The following GRHL2 variants were observed in gnomAD, a reference collection of about 807,000 sequenced individuals.
GRHL2 encodes the protein grainyhead like transcription factor 2, also known as grainyhead-like protein 2 homolog.
A neutral mutation model predicts 83.8 loss-of-function variants in GRHL2; 21 were observed. That is an observed-to-expected ratio of 0.25 (90% confidence interval 0.18 to 0.36). The LOEUF (loss-of-function observed/expected upper bound fraction) is 0.36. Ranked by LOEUF, GRHL2 falls within the 10% of genes least tolerant of loss-of-function variation. The probability of loss-of-function intolerance (pLI) is 1.00; values close to 1 mark genes in which losing one functional copy is unlikely to be tolerated. For missense variants in GRHL2, 623 were observed against 781.8 expected (o/e 0.80, Z 2.42); for synonymous variants, 280 against 278.9 (o/e 1.00, Z -0.04).
At chr8:101,523,110 C>T (rs1810725267) in intron 1 of GRHL2, among the ~76,000 whole-genome samples, 1 of 151,888 alleles carries the variant, frequency 6.6e-6, no homozygotes. Context: ...ATGGGTTTCA[C>T]CACATTGCCC....
At chr8:101,518,970 G>A (rs1810626782) in intron 1 of GRHL2, among the ~76,000 whole-genome samples, 1 of 152,152 alleles carries the variant, frequency 6.6e-6, no homozygotes, top group African/African-American at 2.4e-5. Context: ...GGCCTCGTCT[G>A]TTGGAATGTA....
chr8:101,515,827 TA>T (rs1435243793), intron 1 of GRHL2, among the ~76,000 whole-genome samples: 1 of 152,206 alleles, frequency 6.6e-6, no homozygotes, highest in Non-Finnish European at 1.5e-5. Flanking sequence ...AGCTTAAGAA[TA>T]TTGCACTTTA....
At chr8:101,559,328 T>C (rs1811555834) in intron 4 of GRHL2, among the ~76,000 whole-genome samples, 1 of 125,206 alleles carries the variant, frequency 8.0e-6, no homozygotes, top group Non-Finnish European at 1.6e-5. Context: ...GCCAACATGG[T>C]GAACTCCTGT....
intron 7 of GRHL2, among the ~76,000 whole-genome samples, chr8:101,582,233 G>A (rs1056842705): frequency 8.4e-4 from 32 of 37,938 alleles, no homozygotes; most frequent in African/African-American, 1.1e-3. Flanking sequence ...GCAAGACTCC[G>A]TCTCAAAAAA....
In GRHL2 at chr8:101,625,492, A is replaced by AT. The variant is rs1813063338; in HGVS notation, c.1257+5800dup. The stretch of plus-strand genomic sequence containing the variant: ...TTGATTATACCTTTTGTTTGAAAAT[A>AT]TTTTTATACATTTTCATTCAGTTAT... On this transcript the variant is annotated intron_variant, in intron 9 of 15. Transcript: ENST00000646743. Among the ~76,000 whole-genome samples the AT allele has an allele frequency of 2.0e-5, 3 of 152,062 alleles. No homozygotes were observed. In the South Asian group the frequency reaches 6.2e-4, roughly 31 times the overall value.
chr8:101,588,439 G>A (rs1328503228), intron 7 of GRHL2, among the ~76,000 whole-genome samples: 1 of 152,204 alleles, frequency 6.6e-6, no homozygotes, highest in Non-Finnish European at 1.5e-5. Context: ...AGCAGTTAAT[G>A]CAAAAATCAT....
chr8:101,578,505 A>T (rs1811979834), intron 7 of GRHL2, among the ~76,000 whole-genome samples: 1 of 152,238 alleles, frequency 6.6e-6, no homozygotes, highest in Admixed American at 6.5e-5. Flanking sequence ...TGCAGAGCAA[A>T]GTAGGGGAAG....
intron 5 of GRHL2, 59 bp downstream of exon 5, chr8:101,570,453 C>A: frequency 7.5e-7 from 1 of 1,339,600 alleles, no homozygotes; most frequent in Non-Finnish European, 1.1e-6. Context: ...TTTAAATGTA[C>A]CTTCGAGTTA....
intron 3 of GRHL2, among the ~76,000 whole-genome samples, chr8:101,554,803 G>C (rs962312534): frequency 6.6e-6 from 1 of 151,930 alleles, no homozygotes; most frequent in East Asian, 1.9e-4. Flanking sequence ...TATAATATTT[G>C]GTTCAATTTT....
intron 14 of GRHL2, among the ~76,000 whole-genome samples, chr8:101,654,172 C>T (rs965015735): frequency 6.6e-5 from 10 of 152,192 alleles, no homozygotes; most frequent in Non-Finnish European, 1.3e-4. Flanking sequence ...CTTCCAGGGC[C>T]AGCAGAATTC....
At chr8:101,655,192 A>G (rs1010960810) in intron 14 of GRHL2, among the ~76,000 whole-genome samples, 1 of 152,092 alleles carries the variant, frequency 6.6e-6, no homozygotes, top group African/African-American at 2.4e-5. Context: ...CTAAAAAAAA[A>G]AAAAAGAAGA....
intron 1 of GRHL2, among the ~76,000 whole-genome samples, chr8:101,502,646 G>T (rs1324264468): frequency 6.6e-6 from 1 of 152,176 alleles, no homozygotes; most frequent in Non-Finnish European, 1.5e-5. Context: ...CTCATGGAGT[G>T]AGAGTGAGGC....
chr8:101,592,338 C>T (rs1474338832), intron 7 of GRHL2, among the ~76,000 whole-genome samples: 2 of 151,968 alleles, frequency 1.3e-5, no homozygotes, highest in African/African-American at 2.4e-5. Flanking sequence ...GTCCTGACCT[C>T]GTGATCCACC....
chr8:101,672,241 C>T (rs188015746), downstream of GRHL2, among the ~76,000 whole-genome samples: 29 of 151,544 alleles, frequency 1.9e-4, 1 homozygote, highest in African/African-American at 4.9e-4. Flanking sequence ...AGGCTTCAGA[C>T]GATCAAACTA....
At chr8:101,543,063 A>G (rs1811187987) in intron 1 of GRHL2, among the ~76,000 whole-genome samples, 178 bp from the exon 2 acceptor site, 1 of 152,250 alleles carries the variant, frequency 6.6e-6, no homozygotes, top group Non-Finnish European at 1.5e-5. Context: ...ATTACTTCTC[A>G]TAGACAGTAA....
chr8:101,600,570 T>C (rs1812488954), intron 8 of GRHL2, among the ~76,000 whole-genome samples: 1 of 152,214 alleles, frequency 6.6e-6, no homozygotes, highest in Non-Finnish European at 1.5e-5. Context: ...TTGCTGAACC[T>C]GATCGGTAAG....
intron 1 of GRHL2, among the ~76,000 whole-genome samples, chr8:101,538,788 A>T (rs1811094598): frequency 6.6e-6 from 1 of 152,220 alleles, no homozygotes; most frequent in South Asian, 2.1e-4. Flanking sequence ...ATTAAACTTC[A>T]TTCAACAGTG....
At chr8:101,619,739 T>A in intron 9 of GRHL2, 42 bp downstream of exon 9, 1 of 1,461,382 alleles carries the variant, frequency 6.8e-7, no homozygotes, top group African/African-American at 1.4e-5. Flanking sequence ...ATCTTTTTTA[T>A]TAGATATTAC....
chr8:101,666,720 C>T lies in GRHL2; in HGVS notation c.*17C>T, dbSNP rs375237861. 131 of 1,512,108 alleles carry T rather than the reference C, an allele frequency of 8.7e-5. No individual in the cohort carries two copies. The highest frequency in any genetic ancestry group is 1.8e-4 in the Admixed American group (11 of 59,834). The allele number at this position is 1,512,108 out of a possible 1,614,324, so 93.7% of individuals were successfully genotyped here. A position where few individuals can be genotyped will look rare whatever the true frequency, so the allele number is the denominator to read the frequency against. On this transcript the variant is annotated 3_prime_UTR_variant, in exon 16 of 16. Coordinates refer to ENST00000646743, the MANE Select transcript of GRHL2 (RefSeq NM_024915.4). The stretch of plus-strand genomic sequence containing the variant: ...GAAATCTAGCCCTGGGTTTGGCATC[C>T]GCTTTGGCTGGAGCTCTCAGTGCGT...
Sources: allele counts gnomAD v4.1 joint callset (sites outside exome capture counted in the v4.1 genomes callset), GRCh38; gene constraint gnomAD v4.1.1; transcripts MANE v1.5; gene names NCBI Gene and HGNC (gene_info 2026-07-23, HGNC 2026-07-21).